Variants in SLC14A2 observed in about 807,000 individuals in gnomAD.
The protein encoded by SLC14A2 is solute carrier family 14 member 2, also known as urea transporter 2.
Under a neutral mutation model 104.6 loss-of-function variants are expected in SLC14A2, and 91 were observed. That is an observed-to-expected ratio of 0.87 (90% CI 0.73 to 1.04). SLC14A2 has a LOEUF of 1.04. Ranked by LOEUF, SLC14A2 falls within the 50% of genes least tolerant of loss-of-function variation. The pLI is 0.00. For missense variants in SLC14A2, 1,189 were observed against 1,156.0 expected (o/e 1.03, Z -0.41); for synonymous variants, 476 against 466.4 (o/e 1.02, Z -0.27).
At chr18:45,341,981 T>G (rs2085400788) in intron 1 of SLC14A2, among the ~76,000 whole-genome samples, 1 of 152,176 alleles carries the variant, frequency 6.6e-6, no homozygotes, top group South Asian at 2.1e-4. Context: ...GGAGTTATAG[T>G]GTTGTTCACC....
chr18:45,277,825 CAAA>C (rs1462501621), intron 1 of SLC14A2, among the ~76,000 whole-genome samples: 1 of 152,172 alleles, frequency 6.6e-6, no homozygotes, highest in Non-Finnish European at 1.5e-5. Flanking sequence ...GTGCAGAGAA[CAAA>C]AAGTTTCTGT....
chr18:45,312,092 A>T lies in SLC14A2; in HGVS notation c.-125+98901A>T, dbSNP rs562921669. ...TCAAATCCTTGCTCCATCCCTTACA[A>T]GCTGTGTGACTATGGGGAAGTTATC... On this transcript the variant is annotated intron_variant, in intron 1 of 20. Transcript: ENST00000586448. Among the ~76,000 whole-genome samples the T allele has an allele frequency of 5.3e-5, 8 of 152,286 alleles. No individual in the cohort carries two copies. In the East Asian group the frequency reaches 1.5e-3, roughly 29 times the overall value.
At chr18:45,644,228 C>T (rs770623591) in intron 10 of SLC14A2, 68 bp downstream of exon 10, 164 of 1,519,326 alleles carry the variant, frequency 1.1e-4, no homozygotes, top group Non-Finnish European at 1.4e-4. Flanking sequence ...GTGTTCTCTG[C>T]TCTGGTTCAA....
intron 2 of SLC14A2, chr18:45,528,249 A>G (rs1054103449): frequency 6.7e-6 from 1 of 150,272 alleles, no homozygotes; most frequent in Non-Finnish European, 1.5e-5. Context: ...CCCAAGAGGT[A>G]TCCCTTTTTA....
At chr18:45,644,287 C>T in intron 10 of SLC14A2, 127 bp downstream of exon 10, 1 of 774,440 alleles carries the variant, frequency 1.3e-6, no homozygotes, top group Non-Finnish European at 2.1e-6. Context: ...CTGTGTAGAA[C>T]CAAGCACACC....
chr18:45,454,935 C>T (rs1411875369), intron 1 of SLC14A2, among the ~76,000 whole-genome samples: 2 of 152,096 alleles, frequency 1.3e-5, no homozygotes, highest in Non-Finnish European at 2.9e-5. Context: ...AGTCAGGTAG[C>T]GTGATGCCTC....
intron 2 of SLC14A2, among the ~76,000 whole-genome samples, chr18:45,505,033 T>A (rs1435398692): frequency 6.6e-6 from 1 of 152,020 alleles, no homozygotes; most frequent in Middle Eastern, 3.2e-3. Flanking sequence ...AGTTACCCAA[T>A]GGGGCTAGAA....
intron 1 of SLC14A2, among the ~76,000 whole-genome samples, chr18:45,458,786 A>G (rs1199404715): frequency 6.6e-6 from 1 of 152,178 alleles, no homozygotes; most frequent in Non-Finnish European, 1.5e-5. Context: ...ACATTTGTGG[A>G]TCTGTGACAG....
chr18:45,501,595 C>T (rs1316954366), intron 2 of SLC14A2, among the ~76,000 whole-genome samples: 1 of 152,162 alleles, frequency 6.6e-6, no homozygotes, highest in Non-Finnish European at 1.5e-5. Context: ...GGCAAAGATG[C>T]AGAAGAGCAA....
chr18:45,344,247 C>T (rs2085425699), intron 1 of SLC14A2, among the ~76,000 whole-genome samples: 1 of 152,120 alleles, frequency 6.6e-6, no homozygotes, highest in Non-Finnish European at 1.5e-5. Flanking sequence ...AACGCCAGTC[C>T]TCCAATACCA....
the SLC14A2 span, among the ~76,000 whole-genome samples, chr18:45,181,821 G>A: frequency 7.9e-5 from 12 of 152,038 alleles, no homozygotes; most frequent in Admixed American, 4.6e-4. Context: ...ATATCTGTGC[G>A]ACTCTTTATT....
intron 1 of SLC14A2, among the ~76,000 whole-genome samples, chr18:45,217,133 A>G (rs1453217138): frequency 6.6e-6 from 1 of 151,618 alleles, no homozygotes; most frequent in Non-Finnish European, 1.5e-5. Context: ...TTCTATTTTA[A>G]TAATCCTTAT....
Position 45,676,064 on chromosome 18 carries a change from G to A in SLC14A2, c.2512+2247G>A, listed in dbSNP as rs575338723. On this transcript the variant is annotated intron_variant, in intron 18 of 19. Transcript: ENST00000255226. ...GACCTGAAACTAGACCTATGCCTAA[G>A]TTCCTTCCTTCCATAAAAATGTCCC... 5.9e-5 allele frequency among the ~76,000 whole-genome samples: 9 copies of A among 152,248 alleles called. No homozygotes were observed. In the South Asian group the frequency reaches 1.7e-3, roughly 28 times the overall value.
intron 1 of SLC14A2, among the ~76,000 whole-genome samples, chr18:45,308,171 G>T (rs1392313512): frequency 6.6e-6 from 1 of 152,136 alleles, no homozygotes; most frequent in Non-Finnish European, 1.5e-5. Flanking sequence ...TAACACTGGG[G>T]ATCACATTTC....
intron 2 of SLC14A2, among the ~76,000 whole-genome samples, chr18:45,511,055 G>A (rs149162184): frequency 1.1e-4 from 17 of 152,162 alleles, no homozygotes; most frequent in African/African-American, 3.9e-4. Flanking sequence ...CAGCAGAAAG[G>A]TCCCCATTCC....
chr18:45,314,493 G>T (rs1325772167), intron 1 of SLC14A2, among the ~76,000 whole-genome samples: 2 of 152,184 alleles, frequency 1.3e-5, no homozygotes, highest in African/African-American at 4.8e-5. Context: ...CTATACTGCA[G>T]ATTAGGACAC....
At chr18:45,289,337 C>T (rs1026840732) in intron 1 of SLC14A2, among the ~76,000 whole-genome samples, 1 of 152,074 alleles carries the variant, frequency 6.6e-6, no homozygotes, top group Non-Finnish European at 1.5e-5. Flanking sequence ...AGAGCTGGCA[C>T]CTTACCCTCA....
rs762930751 is a variant in SLC14A2, at chr18:45,641,316, C to T, written c.1099C>T (p.Gln367Ter). The T allele has an allele frequency of 6.2e-7, 1 of 1,614,220 alleles. No individual in the cohort carries two copies. Among genetic ancestry groups the T allele is most frequent in the Non-Finnish European group, 8.5e-7 (1 of 1,180,030 alleles). Residue 367 changes from glutamine (Q) to a stop codon, truncating the protein, a stop_gained, in exon 8 of 20, where the codon CAG becomes TAG. Coordinates refer to ENST00000255226, the MANE Select transcript of SLC14A2 (RefSeq NM_007163.4). LOFTEE classifies it high-confidence loss of function. ...AGGCATGTTCTATGCCCTCACCTGGCAGACTCACCTGCTGGCCCTCATCTG... is the reference window on the plus strand; with the variant it reads ...AGGCATGTTCTATGCCCTCACCTGGTAGACTCACCTGCTGGCCCTCATCTG... ...IGGMFYALTW[Q>*]THLLALICAL...
chr18:45,358,029 ACT>A (rs975129005), intron 1 of SLC14A2, among the ~76,000 whole-genome samples: 2 of 152,222 alleles, frequency 1.3e-5, no homozygotes, highest in African/African-American at 4.8e-5. Context: ...TTAAAAATAA[ACT>A]CTCTGAAGGA....
Sources: gnomAD v4.1 joint callset for allele counts (sites outside exome capture counted in the v4.1 genomes callset) on GRCh38, gnomAD v4.1.1 for gene constraint, MANE v1.5 for transcripts, NCBI Gene and HGNC (gene_info 2026-07-23, HGNC 2026-07-21) for gene names.